UNC45A: variants seen among roughly 807,000 people sequenced by gnomAD.
UNC45A encodes unc-45 myosin chaperone A.
Under a neutral mutation model 103.2 loss-of-function variants are expected in UNC45A, and 78 were observed. The observed-to-expected ratio is 0.76, with a 90% CI of 0.63 to 0.91. UNC45A has a LOEUF of 0.91. Ranked by LOEUF, UNC45A falls within the 40% of genes least tolerant of loss-of-function variation. The pLI is 0.00. For missense variants in UNC45A, 1,193 were observed against 1,224.8 expected (o/e 0.97, Z 0.39); for synonymous variants, 495 against 504.6 (o/e 0.98, Z 0.25).
upstream of UNC45A, chr15:90,935,179 G>T: frequency 1.3e-6 from 1 of 782,466 alleles, no homozygotes; most frequent in Non-Finnish European, 2.1e-6. Context: ...GCCCCTGCCC[G>T]GGCGCGCTCC....
At chr15:90,953,079 G>C (rs1413910005) in intron 18 of UNC45A, 33 bp downstream of exon 18, 2 of 1,613,380 alleles carry the variant, frequency 1.2e-6, no homozygotes, top group Non-Finnish European at 1.7e-6. Context: ...ATGACAGGCG[G>C]GGATGCAGAG....
upstream of UNC45A, chr15:90,931,644 T>C (rs746943969): frequency 6.2e-7 from 1 of 1,614,020 alleles, no homozygotes; most frequent in East Asian, 2.2e-5. Flanking sequence ...CTGACCAACA[T>C]GTGTCTTCAG....
Position 90,949,449 on chromosome 15 carries a change from C to T in UNC45A, c.2006+6C>T. 1.2e-6 allele frequency: 2 copies of T among 1,613,340 alleles called. No individual in the cohort carries two copies. The highest frequency in any genetic ancestry group is 1.7e-6 in the Non-Finnish European group (2 of 1,179,834). ...TGCAGAGAGCTGCTCTCCAGGTGAG[C>T]CAGCCTTGGTAGGAGCCAACCTTTC... On this transcript the variant is annotated splice_donor_region_variant and intron_variant, in intron 14 of 19. Transcript: ENST00000418476.
chr15:90,953,155 G>A lies in UNC45A; in HGVS notation c.2422G>A (p.Val808Met), dbSNP rs772939533. ...GTCCACTCCTCACATCTGGCCACAG[G>A]TGCAGGACCTCTTCGAAGCCCAGGG... ...CMCNLAMSKE[V>M]QDLFEAQGND... Residue 808 changes from valine to methionine, a missense_variant and splice_region_variant, in exon 19 of 20, where the codon GTG becomes ATG. Val to Met is a conservative substitution (Grantham distance 21). Transcript: ENST00000418476. 6.2e-7 allele frequency: 1 copy of A among 1,613,498 alleles called. No individual in the cohort carries two copies. Among genetic ancestry groups the A allele is most frequent in the Non-Finnish European group, 8.5e-7 (1 of 1,179,730 alleles).
intron 12 of UNC45A, 81 bp downstream of exon 12, chr15:90,948,364 C>T (rs2036692342): frequency 6.3e-7 from 1 of 1,575,444 alleles, no homozygotes; most frequent in Non-Finnish European, 8.6e-7. Context: ...AGGGCTTGGC[C>T]AATGGGGTCT....
At chr15:90,936,574 T>G (rs925577551) in intron 4 of UNC45A, 114 bp downstream of exon 4, 2 of 1,290,988 alleles carry the variant, frequency 1.5e-6, no homozygotes, top group African/African-American at 3.0e-5. Context: ...ACCTTGCCTG[T>G]GGCCAGGGAA....
intron 8 of UNC45A, among the ~76,000 whole-genome samples, chr15:90,943,877 T>C (rs557019043): frequency 1.9e-4 from 28 of 151,300 alleles, no homozygotes; most frequent in African/African-American, 6.3e-4. Flanking sequence ...GTAGTAGAGA[T>C]AGAATCTCAC....
rs549093293 is a variant in UNC45A at position 90,943,179 on chromosome 15, G to A, written c.1027+97G>A. 415 of 1,420,880 alleles carry A rather than the reference G, an allele frequency of 2.9e-4. 3 individuals carry two copies. In the African/African-American group the frequency reaches 5.1e-3, roughly 17 times the overall value. 88.0% of individuals were successfully genotyped at this position (1,420,880 alleles called of 1,614,324 possible). A position where few individuals can be genotyped will look rare whatever the true frequency, so the allele number is the denominator to read the frequency against. ...GTTGTGAGTGGGGCCAGGCATGGTG[G>A]ATGACACACTTTGAGAGGCAGGGGG... On this transcript the variant is annotated intron_variant, in intron 8 of 19. Transcript: ENST00000418476.
Position 90,953,479 on chromosome 15 carries a change from C to T in UNC45A, c.2598C>T (p.Ile866=). ...CACAGACCACACACTGGCTGGAGAT[C>T]CTGCAGGCCCTGCTTCTGAGCTCCA... The part of the protein sequence containing the change: ...IPQVTTHWLE[I]LQALLLSSNQ... Residue 866 remains isoleucine (I), a synonymous_variant, in exon 20 of 20, where the codon ATC becomes ATT. Coordinates refer to ENST00000418476, the MANE Select transcript of UNC45A (RefSeq NM_018671.5). 6.2e-7 allele frequency: 1 copy of T among 1,613,878 alleles called. No homozygotes were observed. Among genetic ancestry groups the T allele is most frequent in the Non-Finnish European group, 8.5e-7 (1 of 1,180,032 alleles).
In UNC45A at chr15:90,953,602, G is replaced by A. The variant is rs2037057968; in HGVS notation, c.2721G>A (p.Glu907=). The change falls in exon 20 of 20, where the codon GAG becomes GAA. Residue 907 remains glutamate (E), a synonymous_variant. Coordinates refer to ENST00000418476, the MANE Select transcript of UNC45A (RefSeq NM_018671.5). ...CCCTGATGGAGAGTGAGATGATGGAGATCTTGTCAGTGCTAGCTAAGGGTG... is the reference window on the plus strand; with the variant it reads ...CCCTGATGGAGAGTGAGATGATGGAAATCTTGTCAGTGCTAGCTAAGGGTG... ...ASTLMESEMM[E]ILSVLAKGDH... 1.2e-6 allele frequency: 2 copies of A among 1,614,158 alleles called. No homozygotes were observed. Among genetic ancestry groups the A allele is most frequent in the Non-Finnish European group, 1.7e-6 (2 of 1,180,034 alleles).
chr15:90,953,910 G>T lies in UNC45A; in HGVS notation c.*194G>T. 1.3e-6 allele frequency: 1 copy of T among 750,504 alleles called. No individual in the cohort carries two copies. Among genetic ancestry groups the T allele is most frequent in the Non-Finnish European group, 2.1e-6 (1 of 473,470 alleles). The allele number at this position is 750,504 out of a possible 1,614,324, so 46.5% of individuals were successfully genotyped here. Reference sequence around the variant, plus strand: ...CACACAGCCCTGCTTGGCCAGCACTGCCTGCAGCCTCACTCAGAGGGGCCC... The same window carrying T: ...CACACAGCCCTGCTTGGCCAGCACTTCCTGCAGCCTCACTCAGAGGGGCCC... On this transcript the variant is annotated 3_prime_UTR_variant, in exon 20 of 20. Transcript: ENST00000418476.
Position 90,946,723 on chromosome 15 carries a change from G to A in UNC45A, c.1309G>A (p.Gly437Ser), listed in dbSNP as rs146513919. The A allele has an allele frequency of 5.0e-6, 8 of 1,613,496 alleles. No homozygotes were observed. Among genetic ancestry groups the A allele is most frequent in the South Asian group, 1.1e-5 (1 of 91,064 alleles). The change falls in exon 10 of 20, where the codon GGT (glycine) becomes AGT (serine). Residue 437 changes from glycine (G) to serine (S), a missense_variant. Coordinates refer to ENST00000418476, the MANE Select transcript of UNC45A (RefSeq NM_018671.5). ...DAGNRALELS[G>S]VMESVIALCA... ...TGGCAACCGGGCCTTGGAGCTGAGC[G>A]GTGTCATGGAGAGTGTGATTGCTCT...
chr15:90,948,068 T>C (rs1255487316), intron 11 of UNC45A, 74 bp from the exon 12 acceptor site: 2 of 1,593,136 alleles, frequency 1.3e-6, no homozygotes, highest in Non-Finnish European at 1.7e-6. Flanking sequence ...ACCCTTGGTT[T>C]TTCCCCCTTG....
At chr15:90,931,287 C>T (rs958562535), upstream of UNC45A, 3 of 1,550,796 alleles carry the variant, frequency 1.9e-6, no homozygotes, top group Non-Finnish European at 2.6e-6. Context: ...AGATTGTCAG[C>T]CCCCGCTGCT....
At position 90,946,728 on chromosome 15, in the gene UNC45A, C is replaced by G; in HGVS notation, c.1314C>G (p.Val438=). The change falls in exon 10 of 20, where the codon GTC becomes GTG. Residue 438 remains valine (V), a synonymous_variant. Transcript: ENST00000418476. ...AGNRALELSG[V]MESVIALCAS... is the part of the protein sequence containing the mutation. ...ACCGGGCCTTGGAGCTGAGCGGTGTCATGGAGAGTGTGATTGCTCTGTGTG... is the reference window on the plus strand; with the variant it reads ...ACCGGGCCTTGGAGCTGAGCGGTGTGATGGAGAGTGTGATTGCTCTGTGTG... 5 of 1,613,742 alleles carry G rather than the reference C, an allele frequency of 3.1e-6. No individual in the cohort carries two copies. Among genetic ancestry groups the G allele is most frequent in the Non-Finnish European group, 4.2e-6 (5 of 1,180,044 alleles).
Position 90,942,540 on chromosome 15 carries a change from T to C in UNC45A, c.791T>C (p.Met264Thr), listed in dbSNP as rs1313870418. Residue 264 changes from methionine (M) to threonine (T), a missense_variant, in exon 7 of 20, where the codon ATG (methionine) becomes ACG (threonine). Coordinates refer to ENST00000418476, the MANE Select transcript of UNC45A (RefSeq NM_018671.5). ...SLAACHLLQVMFDALKEGVKK... is the reference protein window; with the variant it reads ...SLAACHLLQVTFDALKEGVKK... ...GCTGCCTGCCACCTGCTGCAGGTTA[T>C]GTTTGATGCCCTCAAGGAAGGTGTC... The C allele has an allele frequency of 1.9e-6, 3 of 1,614,102 alleles. No homozygotes were observed. The highest frequency in any genetic ancestry group is 2.5e-6 in the Non-Finnish European group (3 of 1,180,046).
chr15:90,948,149 T>A lies in UNC45A; in HGVS notation c.1603T>A (p.Cys535Ser). ...TATCCTGCGTGTCCCCAGGTGGCTG[T>A]GCAATGACCAGATCGACGCAGGCAC... ...KLAKQCRKWLCNDQIDAGTRR... is the reference protein window; with the variant it reads ...KLAKQCRKWLSNDQIDAGTRR... The change falls in exon 12 of 20, where the codon TGC becomes AGC. Residue 535 changes from cysteine to serine, a missense_variant. Physicochemically the swap from Cys to Ser is moderately radical, Grantham distance 112. Coordinates refer to ENST00000418476, the MANE Select transcript of UNC45A (RefSeq NM_018671.5). The A allele has an allele frequency of 2.4e-5, 39 of 1,614,068 alleles. No individual in the cohort carries two copies. The highest frequency in any genetic ancestry group is 3.3e-5 in the Non-Finnish European group (39 of 1,180,026).
chr15:90,948,540 C>A, intron 12 of UNC45A, 114 bp from the exon 13 acceptor site: 1 of 1,496,750 alleles, frequency 6.7e-7, no homozygotes, highest in Non-Finnish European at 9.0e-7. Flanking sequence ...CGAATTCATC[C>A]TGTACCCAAG....
intron 6 of UNC45A, among the ~76,000 whole-genome samples, chr15:90,941,958 C>CAAAAAAA (rs369044240): frequency 8.7e-5 from 6 of 68,734 alleles, no homozygotes; most frequent in East Asian, 1.1e-3. Flanking sequence ...GACTCCGTCT[C>CAAAAAAA]AAAAAAAAAA....
Sources: gnomAD v4.1 joint callset for allele counts (sites outside exome capture counted in the v4.1 genomes callset) on GRCh38, gnomAD v4.1.1 for gene constraint, MANE v1.5 for transcripts, NCBI Gene and HGNC (gene_info 2026-07-23, HGNC 2026-07-21) for gene names.